The following OSBPL9 variants were observed in gnomAD, a reference collection of about 807,000 sequenced individuals.
OSBPL9 encodes the protein oxysterol-binding protein-related protein 9.
A neutral mutation model predicts 106.6 loss-of-function variants in OSBPL9; 40 were observed. The ratio of observed to expected loss-of-function variants is 0.38; its 90% CI spans 0.29 to 0.49. The LOEUF (loss-of-function observed/expected upper bound fraction) is 0.49, where lower values mean the gene tolerates loss of function less well. Ranked by LOEUF, OSBPL9 falls within the 20% of genes least tolerant of loss-of-function variation. The probability of loss-of-function intolerance (pLI) is 0.97; values close to 1 mark genes in which losing one functional copy is unlikely to be tolerated. For missense variants in OSBPL9, 609 were observed against 887.2 expected (o/e 0.69, Z 3.98); for synonymous variants, 269 against 295.4 (o/e 0.91, Z 0.92).
chr1:51,712,268 G>C (rs569140570), intron 3 of OSBPL9, among the ~76,000 whole-genome samples: 4 of 152,218 alleles, frequency 2.6e-5, no homozygotes, highest in Non-Finnish European at 5.9e-5. Context: ...CAGGCGTGGC[G>C]GCGCGCGCCT....
chr1:51,715,169 A>G (rs568229931), intron 4 of OSBPL9, among the ~76,000 whole-genome samples: 1 of 152,348 alleles, frequency 6.6e-6, no homozygotes, highest in Non-Finnish European at 1.5e-5. Context: ...CTTAGGCCCT[A>G]CAAGATAGTA....
intron 4 of OSBPL9, among the ~76,000 whole-genome samples, chr1:51,737,698 C>T (rs1252784544): frequency 6.6e-6 from 1 of 151,980 alleles, no homozygotes; most frequent in Non-Finnish European, 1.5e-5. Context: ...TTAATATTAA[C>T]TGCATTGAAT....
chr1:51,557,432 A>C, the OSBPL9 span, among the ~76,000 whole-genome samples: 2 of 152,144 alleles, frequency 1.3e-5, no homozygotes, highest in Non-Finnish European at 2.9e-5. Context: ...TTTCATGAGA[A>C]CTACTCCTAA....
chr1:51,725,820 C>G (rs940743337), intron 4 of OSBPL9, among the ~76,000 whole-genome samples: 2 of 152,148 alleles, frequency 1.3e-5, no homozygotes, highest in African/African-American at 2.4e-5. Flanking sequence ...GTTCTCCCCC[C>G]TGCCCATATT....
intron 1 of OSBPL9, among the ~76,000 whole-genome samples, chr1:51,646,248 A>G (rs1646145692): frequency 6.6e-6 from 1 of 152,156 alleles, no homozygotes; most frequent in South Asian, 2.1e-4. Context: ...TCAATCTAAG[A>G]GCATGAGGTA....
intron 12 of OSBPL9, among the ~76,000 whole-genome samples, chr1:51,768,601 C>T (rs966421435): frequency 7.9e-5 from 12 of 152,246 alleles, no homozygotes; most frequent in Non-Finnish European, 1.2e-4. Context: ...CCTTTAAAAG[C>T]ATATGACTGT....
chr1:51,689,017 A>G (rs901156358), intron 3 of OSBPL9, among the ~76,000 whole-genome samples: 2 of 152,230 alleles, frequency 1.3e-5, no homozygotes, highest in African/African-American at 2.4e-5. Flanking sequence ...AAGGTTGTTT[A>G]CCAGGAATAT....
chr1:51,777,398 A>T (rs770933129), intron 15 of OSBPL9, among the ~76,000 whole-genome samples: 17 of 152,240 alleles, frequency 1.1e-4, no homozygotes, highest in Non-Finnish European at 2.5e-4. Context: ...TAAAGCTTGC[A>T]ATATTATATA....
At chr1:51,552,689 A>G in the OSBPL9 span, among the ~76,000 whole-genome samples, 1 of 152,052 alleles carries the variant, frequency 6.6e-6, no homozygotes, top group African/African-American at 2.4e-5. Context: ...CAGTGGTCCA[A>G]TCTCAGCTCA....
chr1:51,534,254 G>GT, the OSBPL9 span, among the ~76,000 whole-genome samples: 6,518 of 151,728 alleles, frequency 0.043, 213 homozygotes, highest in Middle Eastern at 0.1. Context: ...AGTCATACTG[G>GT]TTTTTTTGTT....
the OSBPL9 span, among the ~76,000 whole-genome samples, chr1:51,518,804 G>GCT: frequency 0.044 from 6,721 of 151,878 alleles, 227 homozygotes; most frequent in Middle Eastern, 0.11. Context: ...GCCCGCGCGA[G>GCT]CTCAACAGGA....
At chr1:51,734,547 A>G (rs1315293587) in intron 4 of OSBPL9, among the ~76,000 whole-genome samples, 1 of 152,228 alleles carries the variant, frequency 6.6e-6, no homozygotes, top group Non-Finnish European at 1.5e-5. Flanking sequence ...CAATATGGTT[A>G]GGAATTTATC....
intron 4 of OSBPL9, among the ~76,000 whole-genome samples, chr1:51,741,973 A>G (rs1203826919): frequency 6.6e-6 from 1 of 152,318 alleles, no homozygotes; most frequent in African/African-American, 2.4e-5. Context: ...AAGAGAAAGA[A>G]AGACAACATG....
intron 13 of OSBPL9, 96 bp from the exon 14 acceptor site, chr1:51,772,509 C>G: frequency 1.0e-6 from 1 of 1,003,410 alleles, no homozygotes; most frequent in Non-Finnish European, 1.6e-6. Flanking sequence ...GAATGAGACT[C>G]CATCTCAAAC....
chr1:51,782,475 G>A (rs1571769832), intron 16 of OSBPL9, 84 bp from the exon 17 acceptor site: 12 of 931,120 alleles, frequency 1.3e-5, no homozygotes, highest in African/African-American at 7.6e-5. Context: ...TGTGTAGAGC[G>A]AGCAGAGACC....
chr1:51,576,209 T>C (rs529730895), upstream of OSBPL9, among the ~76,000 whole-genome samples: 39 of 152,352 alleles, frequency 2.6e-4, no homozygotes, highest in South Asian at 1.2e-3. Flanking sequence ...ACACTTTCTG[T>C]GGTCTCCCCG....
chr1:51,549,342 A>G, the OSBPL9 span, among the ~76,000 whole-genome samples: 2 of 152,158 alleles, frequency 1.3e-5, no homozygotes, highest in Admixed American at 6.5e-5. Flanking sequence ...CACTTCCTTC[A>G]TGAAGTCTTT....
chr1:51,787,876 C>A lies in OSBPL9; in HGVS notation c.*87C>A. 2 of 1,191,064 alleles carry A rather than the reference C, an allele frequency of 1.7e-6. No individual in the cohort carries two copies. The highest frequency in any genetic ancestry group is 2.5e-5 in the South Asian group (2 of 79,824). The allele number at this position is 1,191,064 out of a possible 1,614,324, so 73.8% of individuals were successfully genotyped here. On this transcript the variant is annotated 3_prime_UTR_variant, in exon 24 of 24. Transcript: ENST00000428468. ...AATCTTCCTTTGGGAGAAACCTGTT[C>A]ATTCCAATCTTCTAATTACAGTGGT...
intron 4 of OSBPL9, among the ~76,000 whole-genome samples, chr1:51,728,748 TC>T (rs1276372634): frequency 6.6e-6 from 1 of 152,066 alleles, no homozygotes; most frequent in African/African-American, 2.4e-5. Flanking sequence ...CCTCGAATCC[TC>T]CCTCCTTCCC....
Sources: gnomAD v4.1 joint callset for allele counts (sites outside exome capture counted in the v4.1 genomes callset) on GRCh38, gnomAD v4.1.1 for gene constraint, MANE v1.5 for transcripts, NCBI Gene and HGNC (gene_info 2026-07-23, HGNC 2026-07-21) for gene names.